Variants in NCAM1 observed in about 807,000 individuals in gnomAD.
NCAM1 encodes neural cell adhesion molecule 1, also known as antigen recognized by monoclonal antibody 5.1H11.
A neutral mutation model predicts 109.8 loss-of-function variants in NCAM1; 14 were observed. That is an observed-to-expected ratio of 0.13 (90% CI 0.08 to 0.20). NCAM1 has a LOEUF of 0.20. NCAM1 is among the 10% of genes least tolerant of loss of function. The pLI is 1.00. For missense variants in NCAM1, 774 were observed against 1,109.9 expected (o/e 0.70, Z 4.30); for synonymous variants, 418 against 442.9 (o/e 0.94, Z 0.70).
chr11:113,044,636 G>A (rs1394779207), intron 1 of NCAM1, among the ~76,000 whole-genome samples: 1 of 152,018 alleles, frequency 6.6e-6, no homozygotes, highest in Non-Finnish European at 1.5e-5. Context: ...AATGAGCCAC[G>A]ATCGCGTCAC....
Position 113,239,793 on chromosome 11 carries a change from C to T in NCAM1, c.1825+4629C>T, listed in dbSNP as rs182133671. Among the ~76,000 whole-genome samples, 536 of 152,262 alleles carry T rather than the reference C, an allele frequency of 3.5e-3. 3 individuals are homozygous for T. The highest frequency in any genetic ancestry group is 2.6e-3 in the Non-Finnish European group (178 of 68,004). The stretch of plus-strand genomic sequence containing the variant: ...AATGATGAGTTATGATTCTTTGTTG[C>T]TTTGATTCCAGTGACACTGTACTCA... On this transcript the variant is annotated intron_variant, in intron 14 of 19. Coordinates refer to ENST00000316851, the MANE Select transcript of NCAM1 (RefSeq NM_181351.5).
chr11:113,156,553 G>A (rs568342148), intron 1 of NCAM1, among the ~76,000 whole-genome samples: 1 of 152,132 alleles, frequency 6.6e-6, no homozygotes, highest in Admixed American at 6.6e-5. Flanking sequence ...GCATGAGAAA[G>A]GCTCTCAGAA....
chr11:113,208,639 A>G (rs1297420740), intron 7 of NCAM1, among the ~76,000 whole-genome samples: 1 of 151,802 alleles, frequency 6.6e-6, no homozygotes, highest in Non-Finnish European at 1.5e-5. Context: ...CTCCCTCTGC[A>G]CTGCGACCAC....
chr11:113,012,361 A>G (rs548448902), intron 1 of NCAM1, among the ~76,000 whole-genome samples: 2 of 152,246 alleles, frequency 1.3e-5, no homozygotes, highest in Non-Finnish European at 2.9e-5. Context: ...AAAATTTCTG[A>G]AATTTGAATA....
chr11:113,263,336 C>T (rs781902174), intron 17 of NCAM1: 79 of 1,002,148 alleles, frequency 7.9e-5, no homozygotes, highest in Non-Finnish European at 9.0e-5. Flanking sequence ...AAAATCACCA[C>T]ACATTCCCCT....
chr11:113,068,092 C>T lies in NCAM1; in HGVS notation c.52+106428C>T, dbSNP rs189466726. 8.1e-3 allele frequency among the ~76,000 whole-genome samples: 1,234 copies of T among 151,966 alleles called. 12 individuals carry two copies. The highest frequency in any genetic ancestry group is 0.028 in the African/African-American group (1,150 of 41,492). On this transcript the variant is annotated intron_variant, in intron 1 of 19. Coordinates refer to ENST00000316851, the MANE Select transcript of NCAM1 (RefSeq NM_181351.5). ...TGCCTGGCTAATTTTTTCATATTTT[C>T]AGTAGAGACGGGGTTTCACCGTGTT... is the stretch of plus-strand genomic sequence containing the variant.
chr11:112,980,455 T>A (rs7930840), intron 1 of NCAM1, among the ~76,000 whole-genome samples: 18,414 of 151,600 alleles, frequency 0.12, 1,221 homozygotes, highest in East Asian at 0.32. Flanking sequence ...GACCAAAAAA[T>A]GTGGTATATT....
At chr11:113,221,462 A>T (rs534577188) in intron 9 of NCAM1, 137 bp downstream of exon 9, 1 of 853,166 alleles carries the variant, frequency 1.2e-6, no homozygotes, top group African/African-American at 1.7e-5. Context: ...GGTAGACATT[A>T]CTTAGCAATA....
At chr11:113,039,402 C>T (rs1187541983) in intron 1 of NCAM1, among the ~76,000 whole-genome samples, 1 of 152,134 alleles carries the variant, frequency 6.6e-6, no homozygotes, top group Non-Finnish European at 1.5e-5. Context: ...TTTATTGCTC[C>T]CAGGCAGTTT....
chr11:113,200,157 CT>C lies in NCAM1; in HGVS notation c.53-2219del, dbSNP rs541534935. On this transcript the variant is annotated intron_variant, in intron 1 of 19. Transcript: ENST00000316851. ...AATACTCAGCATATGGTCCAGCAAA[CT>C]TTCTTGGGGGGACTCAGCTTCTCAT... Among the ~76,000 whole-genome samples the C allele has an allele frequency of 6.0e-4, 91 of 152,322 alleles. No individual in the cohort carries two copies. In the South Asian group the frequency reaches 0.011, roughly 19 times the overall value.
intron 15 of NCAM1, among the ~76,000 whole-genome samples, chr11:113,250,891 A>G (rs1172576648): frequency 6.6e-6 from 1 of 152,176 alleles, no homozygotes; most frequent in Non-Finnish European, 1.5e-5. Context: ...TCCACCTCCC[A>G]TGCTCAAGCA....
intron 1 of NCAM1, among the ~76,000 whole-genome samples, chr11:113,095,813 T>C (rs1555090302): frequency 6.6e-6 from 1 of 152,192 alleles, no homozygotes; most frequent in Admixed American, 6.5e-5. Context: ...TCACAGCCTG[T>C]GCCTCACCTC....
chr11:113,213,709 T>C (rs1486249910), intron 7 of NCAM1, among the ~76,000 whole-genome samples: 1 of 152,242 alleles, frequency 6.6e-6, no homozygotes, highest in Non-Finnish European at 1.5e-5. Flanking sequence ...CAAACAACCT[T>C]GTTCAGAATC....
rs1382912010 is a variant in NCAM1, at chr11:113,232,041, C to A, written c.1241-129C>A. 4 of 1,020,878 alleles carry A rather than the reference C, an allele frequency of 3.9e-6. No homozygotes were observed. The East Asian group carries it at 7.8e-5, about 20-fold the overall frequency. 63.2% of individuals were successfully genotyped at this position (1,020,878 alleles called of 1,614,324 possible). On this transcript the variant is annotated intron_variant, in intron 10 of 19. Coordinates refer to ENST00000316851, the MANE Select transcript of NCAM1 (RefSeq NM_181351.5). ...GCTGTGCACAGGAATTCTAGAATGG[C>A]CCTGACCTCTACTATACCAGGCGCT...
chr11:113,043,420 C>T (rs1953147954), intron 1 of NCAM1, among the ~76,000 whole-genome samples: 1 of 152,178 alleles, frequency 6.6e-6, no homozygotes, highest in Admixed American at 6.5e-5. Context: ...TCACTGTAAA[C>T]TCCACCTGCC....
intron 15 of NCAM1, among the ~76,000 whole-genome samples, chr11:113,254,241 T>G (rs560796010): frequency 1.3e-5 from 2 of 152,368 alleles, no homozygotes; most frequent in African/African-American, 4.8e-5. Flanking sequence ...TGGGGCTAGA[T>G]AGTGGCTTTA....
At chr11:113,231,029 A>G (rs1944989180) in intron 9 of NCAM1, among the ~76,000 whole-genome samples, 1 of 152,172 alleles carries the variant, frequency 6.6e-6, no homozygotes, top group Non-Finnish European at 1.5e-5. Context: ...TGGAGAGAGA[A>G]CCCAGTTACT....
chr11:113,187,335 A>G (rs1197546754), intron 1 of NCAM1, among the ~76,000 whole-genome samples: 1 of 152,100 alleles, frequency 6.6e-6, no homozygotes, highest in African/African-American at 2.4e-5. Context: ...GCCTTTCCCC[A>G]AGGGTTCAGG....
chr11:113,152,556 T>C (rs1218277385), intron 1 of NCAM1, among the ~76,000 whole-genome samples: 2 of 152,272 alleles, frequency 1.3e-5, no homozygotes, highest in Non-Finnish European at 2.9e-5. Context: ...TTGCTCTTTA[T>C]GGACTAGGCC....
Sources: gnomAD v4.1 joint callset for allele counts (sites outside exome capture counted in the v4.1 genomes callset) on GRCh38, gnomAD v4.1.1 for gene constraint, MANE v1.5 for transcripts, NCBI Gene and HGNC (gene_info 2026-07-23, HGNC 2026-07-21) for gene names.